Variants in SNTG1 observed in about 807,000 individuals in gnomAD.
The protein encoded by SNTG1 is syntrophin gamma 1, also known as gamma-1-syntrophin.
In SNTG1, 39 loss-of-function variants were observed where a neutral mutation model predicts 74.7. The ratio of observed to expected loss-of-function variants is 0.52; its 90% confidence interval spans 0.40 to 0.68. SNTG1 has a LOEUF of 0.68. Ranked by LOEUF, SNTG1 falls within the 30% of genes least tolerant of loss-of-function variation. The probability of loss-of-function intolerance (pLI) is 0.00; values close to 1 mark genes in which losing one functional copy is unlikely to be tolerated. For synonymous variants in SNTG1, 254 were observed against 217.1 expected (o/e 1.17, Z -1.49); for missense variants, 685 against 609.5 (o/e 1.12, Z -1.30).
intron 18 of SNTG1, among the ~76,000 whole-genome samples, chr8:50,788,786 ACACACTACCAAAT>A (rs2095683114): frequency 6.6e-6 from 1 of 152,000 alleles, no homozygotes; most frequent in African/African-American, 2.4e-5. Context: ...AAGCAAAGCT[ACACACTACCAAAT>A]CTACCCACCT....
chr8:50,178,813 C>A (rs1298117828), intron 2 of SNTG1, among the ~76,000 whole-genome samples: 1 of 152,188 alleles, frequency 6.6e-6, no homozygotes, highest in Non-Finnish European at 1.5e-5. Context: ...AAAAGACACA[C>A]TTTCCCTTAC....
chr8:50,676,435 C>A (rs1460473259), intron 15 of SNTG1, among the ~76,000 whole-genome samples: 1 of 151,954 alleles, frequency 6.6e-6, no homozygotes, highest in Non-Finnish European at 1.5e-5. Context: ...CTTGTGTATG[C>A]TTCACAAAGT....
chr8:50,657,769 T>A (rs1459619566), intron 14 of SNTG1, among the ~76,000 whole-genome samples: 1 of 152,156 alleles, frequency 6.6e-6, no homozygotes, highest in Non-Finnish European at 1.5e-5. Context: ...AACATTTTCA[T>A]CTTCTATTAT....
chr8:50,173,871 G>T (rs1016964346), intron 2 of SNTG1, among the ~76,000 whole-genome samples: 8 of 152,194 alleles, frequency 5.3e-5, no homozygotes, highest in African/African-American at 1.9e-4. Flanking sequence ...TGCAGAACAT[G>T]CAGGTTTGTT....
Position 50,121,353 on chromosome 8 carries a change from T to C in SNTG1, c.-102-51208T>C, listed in dbSNP as rs191617953. On this transcript the variant is annotated intron_variant, in intron 1 of 18. Transcript: ENST00000642720. ...TGGGCTCAAAGGCCTCTTGGAGTTCTGGTGTTCCTACCTAGTTCTATGTGC... is the reference window on the plus strand; with the variant it reads ...TGGGCTCAAAGGCCTCTTGGAGTTCCGGTGTTCCTACCTAGTTCTATGTGC... Among the ~76,000 whole-genome samples the C allele has an allele frequency of 3.4e-3, 482 of 142,422 alleles. 51 individuals are homozygous for C. Among genetic ancestry groups the C allele is most frequent in the African/African-American group, 0.012 (461 of 39,428 alleles). The allele number at this position is 142,422 out of a possible 152,430, so 93.4% of individuals were successfully genotyped here.
chr8:50,409,150 G>C (rs992475986), intron 4 of SNTG1, among the ~76,000 whole-genome samples: 1 of 152,116 alleles, frequency 6.6e-6, no homozygotes, highest in Admixed American at 6.6e-5. Context: ...AGGAGGTGAC[G>C]CAGAGAAAAA....
intron 2 of SNTG1, among the ~76,000 whole-genome samples, chr8:50,363,818 T>C (rs1226382236): frequency 2.6e-5 from 4 of 152,152 alleles, no homozygotes; most frequent in Non-Finnish European, 5.9e-5. Flanking sequence ...GAATCTCTCA[T>C]AGGCATTTGA....
At chr8:50,782,242 A>G (rs1047496234) in intron 18 of SNTG1, among the ~76,000 whole-genome samples, 54 of 152,190 alleles carry the variant, frequency 3.5e-4, no homozygotes, top group African/African-American at 1.2e-3. Flanking sequence ...CTGAATCTCA[A>G]TGTTGGCCTG....
chr8:50,011,653 T>C (rs960538415), intron 1 of SNTG1: 1 of 152,028 alleles, frequency 6.6e-6, no homozygotes, highest in Non-Finnish European at 1.5e-5. Flanking sequence ...TTTTGAGCCT[T>C]CCTGGTTCCT....
rs545379446 is a variant in SNTG1 at position 50,122,225 on chromosome 8, G to A, written c.-102-50336G>A. On this transcript the variant is annotated intron_variant, in intron 1 of 18. Coordinates refer to ENST00000642720, the MANE Select transcript of SNTG1 (RefSeq NM_018967.5). Reference sequence around the variant, plus strand: ...TTGAATAAATGTAAAAATATTCAAGGCATCCTTGGTAACTTGTGCCTTACC... The same window carrying A: ...TTGAATAAATGTAAAAATATTCAAGACATCCTTGGTAACTTGTGCCTTACC... Among the ~76,000 whole-genome samples the A allele has an allele frequency of 1.4e-5, 2 of 142,226 alleles. 1 individual carries two copies. Among genetic ancestry groups the A allele is most frequent in the East Asian group, 4.0e-4 (2 of 4,942 alleles). 93.3% of individuals were successfully genotyped at this position (142,226 alleles called of 152,430 possible).
At chr8:50,010,785 C>CTTTTTTT (rs774350614) in intron 1 of SNTG1, among the ~76,000 whole-genome samples, 3 of 89,152 alleles carry the variant, frequency 3.4e-5, no homozygotes, top group African/African-American at 9.9e-5. Context: ...ACAGGCCTCT[C>CTTTTTTT]TTTTTTTTTT....
chr8:50,123,351 A>G (rs1020888101), intron 1 of SNTG1, among the ~76,000 whole-genome samples: 2 of 142,484 alleles, frequency 1.4e-5, no homozygotes, highest in Admixed American at 7.2e-5. Flanking sequence ...TGTTCCTGAA[A>G]GGAGAATGGA....
At chr8:50,348,875 C>A (rs2091562398) in intron 2 of SNTG1, among the ~76,000 whole-genome samples, 1 of 152,168 alleles carries the variant, frequency 6.6e-6, no homozygotes, top group Non-Finnish European at 1.5e-5. Context: ...CTTTCAATAA[C>A]CCTGCTGGGC....
At chr8:50,085,643 A>G (rs1822815765) in intron 1 of SNTG1, among the ~76,000 whole-genome samples, 1 of 152,178 alleles carries the variant, frequency 6.6e-6, no homozygotes. Context: ...TGCAGTCTGC[A>G]CTGCATGCCT....
intron 3 of SNTG1, among the ~76,000 whole-genome samples, chr8:50,398,805 C>T (rs947831590): frequency 4.6e-5 from 7 of 152,196 alleles, no homozygotes; most frequent in Middle Eastern, 3.4e-3. Context: ...ATGGCAGGCA[C>T]CTGTAATCCC....
intron 1 of SNTG1, among the ~76,000 whole-genome samples, chr8:50,121,086 T>G (rs2080984573): frequency 7.0e-6 from 1 of 142,536 alleles, no homozygotes; most frequent in African/African-American, 2.5e-5. Context: ...TAAAATGTCT[T>G]CATTAGTATT....
intron 2 of SNTG1, among the ~76,000 whole-genome samples, chr8:50,320,433 A>G (rs576333910): frequency 6.6e-5 from 10 of 151,776 alleles, no homozygotes; most frequent in African/African-American, 2.4e-4. Flanking sequence ...TACAGATTTG[A>G]CAATTTTGTT....
intron 1 of SNTG1, among the ~76,000 whole-genome samples, chr8:50,061,315 T>C (rs1166457195): frequency 1.3e-5 from 2 of 152,114 alleles, no homozygotes; most frequent in Non-Finnish European, 2.9e-5. Flanking sequence ...CATAAAGTTG[T>C]TTATAGTGTT....
At chr8:50,131,026 C>A (rs1245262262) in intron 1 of SNTG1, among the ~76,000 whole-genome samples, 1 of 151,618 alleles carries the variant, frequency 6.6e-6, no homozygotes, top group Non-Finnish European at 1.5e-5. Flanking sequence ...TAGGAAGGAG[C>A]AAATTAGAAT....
Sources: gnomAD v4.1 joint callset for allele counts (sites outside exome capture counted in the v4.1 genomes callset) on GRCh38, gnomAD v4.1.1 for gene constraint, MANE v1.5 for transcripts, NCBI Gene and HGNC (gene_info 2026-07-23, HGNC 2026-07-21) for gene names.